AGBL4: variants seen among roughly 807,000 people sequenced by gnomAD.
AGBL4 encodes AGBL carboxypeptidase 4, also known as cytosolic carboxypeptidase 6.
Under a neutral mutation model 66.4 loss-of-function variants are expected in AGBL4, and 58 were observed. The observed-to-expected ratio is 0.87, with a 90% confidence interval of 0.71 to 1.09. The LOEUF is 1.09. AGBL4 is among the 50% of genes least tolerant of loss of function. AGBL4 has a pLI of 0.00. For missense variants in AGBL4, 579 were observed against 631.0 expected, an observed-to-expected ratio of 0.92 and a Z score of 0.88; for synonymous variants, 234 against 222.9, an observed-to-expected ratio of 1.05 and a Z score of -0.44.
rs1643919884 is a variant in AGBL4, at chr1:48,533,279, T to G, written c.*894A>C. 6.6e-6 allele frequency: 1 copy of G among 152,172 alleles called. No individual in the cohort carries two copies. The highest frequency in any genetic ancestry group is 2.4e-5 in the African/African-American group (1 of 41,446). The allele number at this position is 152,172 out of a possible 1,614,324, so 9.4% of individuals were successfully genotyped here. On this transcript the variant is annotated 3_prime_UTR_variant, in exon 14 of 14. Transcript: ENST00000371839. ...ACTTTACTCTTCACAAAAATGCCAA[T>G]ATTTAGCTTGCCACACCTTGGGAAT...
chr1:48,874,143 A>G (rs541876959), intron 5 of AGBL4, among the ~76,000 whole-genome samples: 1 of 152,254 alleles, frequency 6.6e-6, no homozygotes, highest in Admixed American at 6.5e-5. Flanking sequence ...CCATCGGGGG[A>G]GGACTTGGGG....
intron 5 of AGBL4, among the ~76,000 whole-genome samples, chr1:48,879,356 CTCTT>C (rs983544013): frequency 3.0e-4 from 45 of 152,174 alleles, no homozygotes; most frequent in African/African-American, 9.6e-4. Context: ...AAAAAGATGT[CTCTT>C]TCTTTCCTTT....
At chr1:49,942,038 T>G (rs1481565237) in intron 1 of AGBL4, among the ~76,000 whole-genome samples, 1 of 152,000 alleles carries the variant, frequency 6.6e-6, no homozygotes, top group Non-Finnish European at 1.5e-5. Context: ...AATCAACATA[T>G]GAAAATCAGT....
intron 3 of AGBL4, among the ~76,000 whole-genome samples, chr1:49,413,387 T>G (rs1031843543): frequency 6.6e-6 from 1 of 152,180 alleles, no homozygotes; most frequent in African/African-American, 2.4e-5. Flanking sequence ...AAGAAGGCAT[T>G]AAACAAATAA....
At chr1:49,438,858 T>A (rs1645962667) in intron 3 of AGBL4, among the ~76,000 whole-genome samples, 1 of 152,164 alleles carries the variant, frequency 6.6e-6, no homozygotes. Context: ...GGCTCACAGT[T>A]CTGGAGACGC....
rs532261402 is a variant in AGBL4 at position 48,534,425 on chromosome 1, C to T, written c.1392-132G>A. On this transcript the variant is annotated intron_variant, in intron 13 of 13. Coordinates refer to ENST00000371839, the MANE Select transcript of AGBL4 (RefSeq NM_032785.4). ...GAACAGTAACCTAGTCTTCTTCCCA[C>T]AGACACTAAAGGTGACAAAAATGAG... The T allele has an allele frequency of 1.2e-5, 15 of 1,285,248 alleles. No individual in the cohort carries two copies. In the Admixed American group the frequency reaches 3.5e-4, roughly 30 times the overall value. The allele number at this position is 1,285,248 out of a possible 1,614,324, so 79.6% of individuals were successfully genotyped here. A position where few individuals can be genotyped will look rare whatever the true frequency, so the allele number is the denominator to read the frequency against.
intron 2 of AGBL4, among the ~76,000 whole-genome samples, chr1:49,836,120 G>A (rs926725414): frequency 6.6e-6 from 1 of 152,082 alleles, no homozygotes; most frequent in African/African-American, 2.4e-5. Context: ...TTGAATACTG[G>A]CCTGTCTTGC....
chr1:49,239,005 C>T (rs182365379), intron 4 of AGBL4, among the ~76,000 whole-genome samples: 30 of 152,274 alleles, frequency 2.0e-4, no homozygotes, highest in Admixed American at 3.3e-4. Context: ...GTTTTAGCTG[C>T]GCTCTAGAAA....
At chr1:49,384,301 T>C (rs1644687828) in intron 3 of AGBL4, among the ~76,000 whole-genome samples, 1 of 151,898 alleles carries the variant, frequency 6.6e-6, no homozygotes. Context: ...AAAGAAGATA[T>C]AAAAATGGGC....
chr1:49,054,889 A>C (rs909802249), intron 4 of AGBL4, among the ~76,000 whole-genome samples: 1 of 151,886 alleles, frequency 6.6e-6, no homozygotes, highest in African/African-American at 2.4e-5. Flanking sequence ...CTTTTGTTCA[A>C]AATCAATTGG....
intron 2 of AGBL4, among the ~76,000 whole-genome samples, chr1:49,709,968 T>C (rs1483718871): frequency 6.6e-6 from 1 of 152,128 alleles, no homozygotes; most frequent in Non-Finnish European, 1.5e-5. Flanking sequence ...TGTGGAGAAA[T>C]AGGAACGCTT....
At chr1:49,158,950 T>C (rs1039036187) in intron 4 of AGBL4, among the ~76,000 whole-genome samples, 1 of 145,900 alleles carries the variant, frequency 6.9e-6, no homozygotes, top group East Asian at 2.0e-4. Context: ...TTTGAGCCTA[T>C]GTATGTCTTT....
chr1:49,418,889 T>C (rs1443012920), intron 3 of AGBL4, among the ~76,000 whole-genome samples: 1 of 152,206 alleles, frequency 6.6e-6, no homozygotes, highest in Non-Finnish European at 1.5e-5. Context: ...GGAGGTGACA[T>C]TAACAGATTT....
At chr1:48,769,011 C>G (rs1218312439) in intron 6 of AGBL4, among the ~76,000 whole-genome samples, 1 of 152,126 alleles carries the variant, frequency 6.6e-6, no homozygotes, top group African/African-American at 2.4e-5. Flanking sequence ...TCAGGAGACA[C>G]CAAATCGAGG....
chr1:49,331,818 C>CCCAATTCA (rs1645340635), intron 3 of AGBL4, among the ~76,000 whole-genome samples: 2 of 151,580 alleles, frequency 1.3e-5, no homozygotes, highest in African/African-American at 4.9e-5. Context: ...GGCCAGACTG[C>CCCAATTCA]TTCTTTAAGT....
intron 1 of AGBL4, among the ~76,000 whole-genome samples, chr1:49,859,959 T>C (rs976610815): frequency 1.3e-5 from 2 of 152,136 alleles, no homozygotes; most frequent in Non-Finnish European, 2.9e-5. Context: ...CAATTGTAAA[T>C]TAAAAATTAA....
intron 2 of AGBL4, among the ~76,000 whole-genome samples, chr1:49,811,405 T>A (rs900132943): frequency 2.6e-5 from 4 of 152,146 alleles, no homozygotes; most frequent in African/African-American, 9.7e-5. Context: ...AAAATTTCTA[T>A]GAAAGAGAAT....
chr1:49,493,027 C>G (rs141654406), intron 3 of AGBL4, among the ~76,000 whole-genome samples: 13 of 151,976 alleles, frequency 8.6e-5, no homozygotes, highest in African/African-American at 1.2e-4. Flanking sequence ...GAAAAAGCCC[C>G]TTATAACACC....
intron 6 of AGBL4, among the ~76,000 whole-genome samples, chr1:48,803,017 CTTG>C (rs1645845036): frequency 6.6e-6 from 1 of 152,170 alleles, no homozygotes; most frequent in Admixed American, 6.5e-5. Context: ...ACTATAGGTC[CTTG>C]AGTATCTGAG....
Sources: allele counts gnomAD v4.1 joint callset (sites outside exome capture counted in the v4.1 genomes callset), GRCh38; gene constraint gnomAD v4.1.1; transcripts MANE v1.5; gene names NCBI Gene and HGNC (gene_info 2026-07-23, HGNC 2026-07-21).